JAKMIP1: variants seen among roughly 807,000 people sequenced by gnomAD.
The protein encoded by JAKMIP1 is janus kinase and microtubule-interacting protein 1.
In JAKMIP1, 33 loss-of-function variants were observed where a neutral mutation model predicts 113.0. The observed-to-expected ratio is 0.29, with a 90% confidence interval of 0.22 to 0.39. The LOEUF is 0.39. Among genes scored for constraint, JAKMIP1 ranks in the 10% least tolerant of loss-of-function variants. The pLI is 1.00. For synonymous variants in JAKMIP1, 480 were observed against 459.9 expected (o/e 1.04, Z -0.56); for missense variants, 813 against 1,080.5 (o/e 0.75, Z 3.47).
rs1578503388 is a variant in JAKMIP1, at chr4:6,186,339, G to A, written c.-148+13914C>T. 2.0e-5 allele frequency among the ~76,000 whole-genome samples: 3 copies of A among 152,142 alleles called. No individual in the cohort carries two copies. In the South Asian group the frequency reaches 6.2e-4, roughly 32 times the overall value. ...TTGGAAAAGGAGGTGGTTAGAGTCA[G>A]GGAAGTAGTCAAGTAGTCAGTTTGC... On this transcript the variant is annotated intron_variant, in intron 1 of 20. Coordinates refer to ENST00000409021, the MANE Select transcript of JAKMIP1 (RefSeq NM_001099433.2). The surrounding 1 kb of genome is among the most constrained non-coding windows in gnomAD (Gnocchi z 5.5).
At position 6,154,115 on chromosome 4, in the gene JAKMIP1, G is replaced by A. The variant is rs1387557330; in HGVS notation, c.-147-41118C>T. Among the ~76,000 whole-genome samples the A allele has an allele frequency of 1.3e-5, 2 of 152,206 alleles. No homozygotes were observed. The highest frequency in any genetic ancestry group is 2.9e-5 in the Non-Finnish European group (2 of 68,044). On this transcript the variant is annotated intron_variant, in intron 1 of 20. Transcript: ENST00000409021. The surrounding 1 kb of genome is among the most constrained non-coding windows in gnomAD (Gnocchi z 4.2). ...CTGCTGCCTATGGTGAGAAGGCACA[G>A]GCTTGTGTCCTGCAGAGCTGATAAA...
At position 6,184,941 on chromosome 4, in the gene JAKMIP1, A is replaced by G. The variant is rs1726476084; in HGVS notation, c.-148+15312T>C. On this transcript the variant is annotated intron_variant, in intron 1 of 20. Coordinates refer to ENST00000409021, the MANE Select transcript of JAKMIP1 (RefSeq NM_001099433.2). The surrounding 1 kb of genome is among the most constrained non-coding windows in gnomAD (Gnocchi z 4.5). ...AGAAGGCAGAATTTGGAAAGAGCAGACTTGCTGAGTCTTCCGGCCTCCATC... is the reference window on the plus strand; with the variant it reads ...AGAAGGCAGAATTTGGAAAGAGCAGGCTTGCTGAGTCTTCCGGCCTCCATC... Among the ~76,000 whole-genome samples, 1 of 152,166 alleles carries G rather than the reference A, an allele frequency of 6.6e-6. No homozygotes were observed. Among genetic ancestry groups the G allele is most frequent in the Non-Finnish European group, 1.5e-5 (1 of 68,028 alleles).
In JAKMIP1 at chr4:6,105,716, C is replaced by T; in HGVS notation, c.381G>A (p.Lys127=). Residue 127 remains lysine, a synonymous_variant, in exon 3 of 21, where the codon AAG becomes AAA. Transcript: ENST00000409021. ...LNVLRDGAAD[K]VKTALLTEAR... Reference sequence around the variant, plus strand: ...CCTCGGTCAGCAGCGCCGTCTTGACCTTGTCGGCCGCGCCGTCGCGCAGCA... The same window carrying T: ...CCTCGGTCAGCAGCGCCGTCTTGACTTTGTCGGCCGCGCCGTCGCGCAGCA... The T allele has an allele frequency of 6.2e-7, 1 of 1,602,084 alleles. No individual in the cohort carries two copies. Among genetic ancestry groups the T allele is most frequent in the East Asian group, 2.2e-5 (1 of 44,708 alleles).
intron 9 of JAKMIP1, among the ~76,000 whole-genome samples, chr4:6,063,527 C>T (rs973628422): frequency 2.0e-5 from 3 of 152,198 alleles, no homozygotes; most frequent in African/African-American, 7.2e-5. Context: ...GGCACTTGGG[C>T]TGAGGCTGGT....
Position 6,157,291 on chromosome 4 carries a change from G to A in JAKMIP1, c.-148+42962C>T, listed in dbSNP as rs572315452. Among the ~76,000 whole-genome samples, 5 of 152,060 alleles carry A rather than the reference G, an allele frequency of 3.3e-5. No individual in the cohort carries two copies. The highest frequency in any genetic ancestry group is 9.7e-5 in the African/African-American group (4 of 41,376). On this transcript the variant is annotated intron_variant, in intron 1 of 20. Coordinates refer to ENST00000409021, the MANE Select transcript of JAKMIP1 (RefSeq NM_001099433.2). The surrounding 1 kb of genome is among the most constrained non-coding windows in gnomAD (Gnocchi z 4.7). ...ATAGCAACACAAAATGGACTAAGAC[G>A]AGTGCACCTGGGCAGGTTACTCCCT... is the stretch of plus-strand genomic sequence containing the variant.
At chr4:6,060,999 T>C (rs890280349) in intron 10 of JAKMIP1, among the ~76,000 whole-genome samples, 2 of 152,178 alleles carry the variant, frequency 1.3e-5, no homozygotes, top group Non-Finnish European at 2.9e-5. Flanking sequence ...AAGAAAGTCA[T>C]ATAAATAAGG....
In JAKMIP1 at chr4:6,080,016, C is replaced by T. The variant is rs2108819133; in HGVS notation, c.1242+156G>A. ...AGTGGCAGAATGAAGCGGGAATGTG[C>T]ACACCAGGGTGAGCTTGGTGAGTCC... On this transcript the variant is annotated intron_variant, in intron 7 of 20. Transcript: ENST00000409021. This position sits in a 1 kb window ranked among gnomAD's most constrained non-coding sequence, Gnocchi z 6.0. Among the ~76,000 whole-genome samples the T allele has an allele frequency of 1.3e-5, 2 of 152,356 alleles. 1 individual carries two copies. The highest frequency in any genetic ancestry group is 4.8e-5 in the African/African-American group (2 of 41,588).
intron 18 of JAKMIP1, among the ~76,000 whole-genome samples, chr4:6,037,185 G>T (rs1256518952): frequency 4.2e-4 from 43 of 101,774 alleles, no homozygotes; most frequent in East Asian, 2.0e-3. Context: ...CTAACCAGTA[G>T]CCCTCCATCA....
intron 3 of JAKMIP1, among the ~76,000 whole-genome samples, chr4:6,087,351 T>G (rs999191304): frequency 6.6e-6 from 1 of 152,050 alleles, no homozygotes; most frequent in Admixed American, 6.5e-5. Flanking sequence ...ATAGGAAGAC[T>G]TTAGAACCAA....
Position 6,155,717 on chromosome 4 carries a change from C to T in JAKMIP1, c.-147-42720G>A, listed in dbSNP as rs989349164. Among the ~76,000 whole-genome samples the T allele has an allele frequency of 1.2e-4, 18 of 152,174 alleles. No individual in the cohort carries two copies. The highest frequency in any genetic ancestry group is 4.3e-4 in the African/African-American group (18 of 41,432). ...TCACCAACAACTGTATGTCCCATGG[C>T]ACATTTATAGAACGGGATATTATAG... On this transcript the variant is annotated intron_variant, in intron 1 of 20. Transcript: ENST00000409021. The surrounding 1 kb of genome is among the most constrained non-coding windows in gnomAD (Gnocchi z 6.1).
In JAKMIP1 at chr4:6,086,579, C is replaced by CAA. The variant is rs1326312721; in HGVS notation, c.625-952_625-951dup. Among the ~76,000 whole-genome samples the CAA allele has an allele frequency of 1.3e-5, 2 of 151,906 alleles. No individual in the cohort carries two copies. Among genetic ancestry groups the CAA allele is most frequent in the African/African-American group, 4.8e-5 (2 of 41,350 alleles). On this transcript the variant is annotated intron_variant, in intron 3 of 20. Coordinates refer to ENST00000409021, the MANE Select transcript of JAKMIP1 (RefSeq NM_001099433.2). This position sits in a 1 kb window ranked among gnomAD's most constrained non-coding sequence, Gnocchi z 4.1. ...GCCGGGTGACAGTGAGGAACCACAC[C>CAA]AAAAAAAGTATGCAGAGGAAGTGTC...
rs1723924267 is a variant in JAKMIP1, at chr4:6,168,408, A to T, written c.-148+31845T>A. On this transcript the variant is annotated intron_variant, in intron 1 of 20. Transcript: ENST00000409021. This position sits in a 1 kb window ranked among gnomAD's most constrained non-coding sequence, Gnocchi z 4.6. The stretch of plus-strand genomic sequence containing the variant: ...CAACCCAAATGTGCATCAGTTACAG[A>T]TGGATAAACAAAATGTGGTCTATGA... Among the ~76,000 whole-genome samples the T allele has an allele frequency of 6.6e-6, 1 of 152,216 alleles. No homozygotes were observed. Among genetic ancestry groups the T allele is most frequent in the Non-Finnish European group, 1.5e-5 (1 of 68,030 alleles).
chr4:6,036,769 A>G (rs934338972), intron 18 of JAKMIP1, among the ~76,000 whole-genome samples: 2 of 152,258 alleles, frequency 1.3e-5, no homozygotes, highest in African/African-American at 4.8e-5. Flanking sequence ...TAAGGACAAA[A>G]GACAATTACC....
rs1715409907 is a variant in JAKMIP1 at position 6,049,591 on chromosome 4, TC to T, written c.1962+227del. 6.6e-6 allele frequency among the ~76,000 whole-genome samples: 1 copy of T among 151,844 alleles called. No individual in the cohort carries two copies. Among genetic ancestry groups the T allele is most frequent in the East Asian group, 1.9e-4 (1 of 5,186 alleles). Reference sequence around the variant, plus strand: ...GGGTAGGGATTCTGAGGCTTTCCCGTCCCCTCCTCACTCAACAGGCCAGGGG... The same window carrying T: ...GGGTAGGGATTCTGAGGCTTTCCCGTCCCTCCTCACTCAACAGGCCAGGGG... On this transcript the variant is annotated intron_variant, in intron 15 of 20. Transcript: ENST00000409021. The surrounding 1 kb of genome is among the most constrained non-coding windows in gnomAD (Gnocchi z 7.0).
rs1326516523 is a variant in JAKMIP1 at position 6,176,088 on chromosome 4, A to G, written c.-148+24165T>C. Among the ~76,000 whole-genome samples the G allele has an allele frequency of 6.6e-6, 1 of 152,264 alleles. No individual in the cohort carries two copies. The highest frequency in any genetic ancestry group is 6.5e-5 in the Admixed American group (1 of 15,286). On this transcript the variant is annotated intron_variant, in intron 1 of 20. Transcript: ENST00000409021. This position sits in a 1 kb window ranked among gnomAD's most constrained non-coding sequence, Gnocchi z 5.5. ...AGGCATTAAAGATACAGAGATGAAC[A>G]TGGTGTAATGCTCCCCTGGAGTAGT...
intron 1 of JAKMIP1, among the ~76,000 whole-genome samples, chr4:6,128,743 C>T (rs1323031506): frequency 6.6e-6 from 1 of 152,192 alleles, no homozygotes; most frequent in Admixed American, 6.5e-5. Flanking sequence ...CCCAGCCTTG[C>T]CACCTGCAGC....
intron 13 of JAKMIP1, among the ~76,000 whole-genome samples, chr4:6,052,578 AG>A (rs1715793499): frequency 6.7e-6 from 1 of 148,360 alleles, no homozygotes; most frequent in Non-Finnish European, 1.5e-5. Context: ...CTCGGGAGGC[AG>A]AGGTTGCAGT....
intron 9 of JAKMIP1, among the ~76,000 whole-genome samples, chr4:6,063,573 T>A (rs1717624841): frequency 6.6e-6 from 1 of 151,978 alleles, no homozygotes; most frequent in African/African-American, 2.4e-5. Flanking sequence ...TCTCCCAGTG[T>A]GAGAAAGGAT....
intron 3 of JAKMIP1, among the ~76,000 whole-genome samples, chr4:6,101,427 G>A (rs1238092279): frequency 6.6e-6 from 1 of 152,058 alleles, no homozygotes; most frequent in Non-Finnish European, 1.5e-5. Flanking sequence ...CCATTGACGT[G>A]TCTCTCTAAC....
Sources: gnomAD v4.1 joint callset for allele counts (sites outside exome capture counted in the v4.1 genomes callset) on GRCh38, gnomAD v4.1.1 for gene constraint, Gnocchi (gnomAD v3.1) non-coding constraint, MANE v1.5 for transcripts, NCBI Gene and HGNC (gene_info 2026-07-23, HGNC 2026-07-21) for gene names.